The following SLC16A7 variants were observed in gnomAD, a reference collection of about 807,000 sequenced individuals.
The protein encoded by SLC16A7 is monocarboxylate transporter 2.
In SLC16A7, 33 loss-of-function variants were observed where a neutral mutation model predicts 34.9. The ratio of observed to expected loss-of-function variants is 0.94; its 90% CI spans 0.72 to 1.26. SLC16A7 has a LOEUF of 1.26. Among genes scored for constraint, SLC16A7 ranks in the 50% most tolerant of loss-of-function variants. The pLI, the probability that SLC16A7 is intolerant of heterozygous loss-of-function variation, is 0.00. For missense variants in SLC16A7, 573 were observed against 578.1 expected (o/e 0.99, Z 0.09); for synonymous variants, 201 against 206.6 (o/e 0.97, Z 0.23).
chr12:59,752,205 C>T (rs1387386067), intron 3 of SLC16A7, among the ~76,000 whole-genome samples: 1 of 152,176 alleles, frequency 6.6e-6, no homozygotes, highest in African/African-American at 2.4e-5. Flanking sequence ...CACCTCTCCT[C>T]CTCCAAAGGA....
At chr12:59,776,927 C>T (rs1270002118) in intron 5 of SLC16A7, among the ~76,000 whole-genome samples, 1 of 152,002 alleles carries the variant, frequency 6.6e-6, no homozygotes, top group Non-Finnish European at 1.5e-5. Flanking sequence ...ACAATTGGTC[C>T]TTCTTTTCAT....
intron 1 of SLC16A7, among the ~76,000 whole-genome samples, chr12:59,636,209 A>G (rs1181554727): frequency 6.6e-6 from 1 of 152,116 alleles, no homozygotes; most frequent in Non-Finnish European, 1.5e-5. Flanking sequence ...GAAGAAATTA[A>G]ATAAGAACAC....
At chr12:59,635,397 A>G (rs1258310989) in intron 1 of SLC16A7, among the ~76,000 whole-genome samples, 1 of 152,058 alleles carries the variant, frequency 6.6e-6, no homozygotes, top group Non-Finnish European at 1.5e-5. Context: ...CCTCAGTTTT[A>G]TATACAAAGT....
chr12:59,636,493 C>A (rs1880433306), intron 1 of SLC16A7, among the ~76,000 whole-genome samples: 1 of 152,050 alleles, frequency 6.6e-6, no homozygotes, highest in Admixed American at 6.6e-5. Flanking sequence ...GGGACAAATT[C>A]TCACTGTGTT....
chr12:59,716,681 C>G lies in SLC16A7; in HGVS notation c.217+11663C>G, dbSNP rs558618571. On this transcript the variant is annotated intron_variant, in intron 3 of 5. Transcript: ENST00000547379. Reference sequence around the variant, plus strand: ...TGGACAACATGGTGAAACCCTGCCTCTACCCAAAATACAAACAATTACTGG... The same window carrying G: ...TGGACAACATGGTGAAACCCTGCCTGTACCCAAAATACAAACAATTACTGG... Among the ~76,000 whole-genome samples the G allele has an allele frequency of 1.4e-3, 211 of 152,150 alleles. 1 individual carries two copies. The highest frequency in any genetic ancestry group is 6.8e-3 in the Middle Eastern group (2 of 294).
intron 3 of SLC16A7, among the ~76,000 whole-genome samples, chr12:59,755,410 C>T (rs1413861437): frequency 6.6e-6 from 1 of 152,182 alleles, no homozygotes; most frequent in Non-Finnish European, 1.5e-5. Flanking sequence ...AGCAAAGTCT[C>T]AGGATAGAAA....
At chr12:59,754,623 C>T (rs1880058145) in intron 3 of SLC16A7, among the ~76,000 whole-genome samples, 2 of 152,266 alleles carry the variant, frequency 1.3e-5, no homozygotes, top group Admixed American at 6.5e-5. Context: ...CAATAGCTTA[C>T]CAACCAAAAA....
chr12:59,766,061 T>G (rs537523626), intron 3 of SLC16A7, among the ~76,000 whole-genome samples: 31 of 152,296 alleles, frequency 2.0e-4, no homozygotes, highest in African/African-American at 5.5e-4. Flanking sequence ...CCCTTGTAAG[T>G]TGGATTCCTA....
chr12:59,670,849 C>G (rs371685211), intron 2 of SLC16A7, among the ~76,000 whole-genome samples: 1 of 152,264 alleles, frequency 6.6e-6, no homozygotes, highest in East Asian at 1.9e-4. Flanking sequence ...AACTCTGCCC[C>G]CTCCACCCTG....
chr12:59,605,815 C>T (rs542665575), intron 1 of SLC16A7, among the ~76,000 whole-genome samples: 226 of 152,278 alleles, frequency 1.5e-3, no homozygotes, highest in African/African-American at 5.3e-3. Context: ...ATCTGTGTCA[C>T]ATGTCAGATC....
intron 1 of SLC16A7, among the ~76,000 whole-genome samples, chr12:59,629,088 C>T (rs1880064003): frequency 6.6e-6 from 1 of 151,810 alleles, no homozygotes; most frequent in African/African-American, 2.4e-5. Flanking sequence ...TTGCTGTCCT[C>T]ACATCATAGG....
At chr12:59,663,256 A>C (rs1468063460) in intron 2 of SLC16A7, among the ~76,000 whole-genome samples, 1 of 151,944 alleles carries the variant, frequency 6.6e-6, no homozygotes, top group Non-Finnish European at 1.5e-5. Context: ...TTAACTATAC[A>C]TATGGGAGCC....
intron 3 of SLC16A7, among the ~76,000 whole-genome samples, chr12:59,760,048 A>C (rs1232396043): frequency 6.6e-6 from 1 of 152,054 alleles, no homozygotes; most frequent in Non-Finnish European, 1.5e-5. Context: ...AAAATCTATC[A>C]TAGATCTTAG....
intron 3 of SLC16A7, among the ~76,000 whole-genome samples, chr12:59,751,479 G>A (rs1204605719): frequency 6.6e-6 from 1 of 152,194 alleles, no homozygotes; most frequent in Non-Finnish European, 1.5e-5. Flanking sequence ...AGGGTCTTAC[G>A]ACCATGGAGC....
At chr12:59,626,049 A>G (rs946325333) in intron 1 of SLC16A7, among the ~76,000 whole-genome samples, 15 of 151,928 alleles carry the variant, frequency 9.9e-5, no homozygotes, top group African/African-American at 3.6e-4. Flanking sequence ...TTCATTGTCT[A>G]TGAAACGCCA....
Position 59,781,980 on chromosome 12 carries a change from GGTTT to G in SLC16A7, c.*2302_*2305del, listed in dbSNP as rs1883282516. On this transcript the variant is annotated 3_prime_UTR_variant, in exon 6 of 6. Coordinates refer to ENST00000547379, the MANE Select transcript of SLC16A7 (RefSeq NM_001270623.2). ...TTTCAGTGGCCTTCTCCAGGGAGGA[GGTTT>G]ATTTACTTACTGATGAGTTTCTCGT... 1 of 152,100 alleles carries G rather than the reference GGTTT, an allele frequency of 6.6e-6. No homozygotes were observed. The highest frequency in any genetic ancestry group is 1.5e-5 in the Non-Finnish European group (1 of 68,028). 9.4% of individuals were successfully genotyped at this position (152,100 alleles called of 1,614,324 possible). A position where few individuals can be genotyped will look rare whatever the true frequency, so the allele number is the denominator to read the frequency against.
chr12:59,684,870 T>A (rs1292014635), intron 2 of SLC16A7, among the ~76,000 whole-genome samples: 2 of 152,076 alleles, frequency 1.3e-5, no homozygotes, highest in Non-Finnish European at 2.9e-5. Flanking sequence ...AGCCTACAGG[T>A]CTTTAGGGGG....
chr12:59,771,174 A>G (rs111381750), intron 3 of SLC16A7, 45 bp from the exon 4 acceptor site: 16,272 of 1,553,054 alleles, frequency 0.01, 122 homozygotes, highest in Middle Eastern at 0.04. Flanking sequence ...AAACAAATAA[A>G]TGACAAGAGC....
intron 2 of SLC16A7, among the ~76,000 whole-genome samples, chr12:59,657,454 G>A (rs1366409369): frequency 6.6e-6 from 1 of 151,906 alleles, no homozygotes; most frequent in East Asian, 1.9e-4. Flanking sequence ...TGGTAGTAGG[G>A]AAAGTATGCA....
Sources: allele counts gnomAD v4.1 joint callset (sites outside exome capture counted in the v4.1 genomes callset), GRCh38; gene constraint gnomAD v4.1.1; transcripts MANE v1.5; gene names NCBI Gene and HGNC (gene_info 2026-07-23, HGNC 2026-07-21).